TBC1D16: variants seen among roughly 807,000 people sequenced by gnomAD.
TBC1D16 encodes the protein TBC1 domain family member 16, also known as CTD-2529O21.1.
TBC1D16 carries 58 observed loss-of-function variants against 74.7 expected under a neutral mutation model. The observed-to-expected ratio is 0.78, with a 90% CI of 0.63 to 0.97. The LOEUF (loss-of-function observed/expected upper bound fraction) is 0.97. Among genes scored for constraint, TBC1D16 ranks in the 50% least tolerant of loss-of-function variants. TBC1D16 has a pLI of 0.00. For missense variants in TBC1D16, 1,014 were observed against 1,079.5 expected (o/e 0.94, Z 0.85); for synonymous variants, 493 against 474.7 (o/e 1.04, Z -0.50).
chr17:79,951,663 C>A, intron 4 of TBC1D16, 66 bp from the exon 5 acceptor site: 2 of 1,557,810 alleles, frequency 1.3e-6, no homozygotes, highest in Non-Finnish European at 1.7e-6. Context: ...GTTTTATTTC[C>A]AAGTATAATC....
At position 79,971,576 on chromosome 17, in the gene TBC1D16, T is replaced by C. The variant is rs1315736315; in HGVS notation, c.780-18758A>G. On this transcript the variant is annotated intron_variant, in intron 3 of 11. Coordinates refer to ENST00000310924, the MANE Select transcript of TBC1D16 (RefSeq NM_019020.4). This position sits in a 1 kb window ranked among gnomAD's most constrained non-coding sequence, Gnocchi z 4.6. ...CCCATGTTGCTGGTAGACACCATTT[T>C]GGAATAATGGCTCAGGGGCAATTAG... Among the ~76,000 whole-genome samples, 1 of 152,196 alleles carries C rather than the reference T, an allele frequency of 6.6e-6. No individual in the cohort carries two copies. The highest frequency in any genetic ancestry group is 1.5e-5 in the Non-Finnish European group (1 of 68,036).
At position 79,980,505 on chromosome 17, in the gene TBC1D16, C is replaced by G. The variant is rs541465774; in HGVS notation, c.780-27687G>C. Among the ~76,000 whole-genome samples the G allele has an allele frequency of 6.6e-6, 1 of 152,160 alleles. No homozygotes were observed. The highest frequency in any genetic ancestry group is 1.5e-5 in the Non-Finnish European group (1 of 68,038). ...TTTGTCCAGAAAAAGACACAGAACC[C>G]GCAGGCCCTGGAGGACCCTGAAGAT... On this transcript the variant is annotated intron_variant, in intron 3 of 11. Transcript: ENST00000310924. The surrounding 1 kb of genome is among the most constrained non-coding windows in gnomAD (Gnocchi z 7.0).
chr17:79,950,937 T>G lies in TBC1D16; in HGVS notation c.1090-359A>C. The G allele has an allele frequency of 7.9e-7, 1 of 1,266,920 alleles. No individual in the cohort carries two copies. 78.5% of individuals were successfully genotyped at this position (1,266,920 alleles called of 1,614,324 possible). On this transcript the variant is annotated intron_variant, in intron 5 of 11. Coordinates refer to ENST00000310924, the MANE Select transcript of TBC1D16 (RefSeq NM_019020.4). The surrounding 1 kb of genome is among the most constrained non-coding windows in gnomAD (Gnocchi z 4.6). ...GATTGGCCACATACAAAGGGATCGC[T>G]GTTCTGCGAGCAGGGAGCCAGCCTG...
intron 3 of TBC1D16, among the ~76,000 whole-genome samples, chr17:79,977,177 G>A (rs947938288): frequency 2.0e-5 from 3 of 152,132 alleles, no homozygotes; most frequent in Non-Finnish European, 2.9e-5. Flanking sequence ...CCAGCCCAAC[G>A]TCCAAAGCTT....
At chr17:80,021,062 G>C (rs185850333) in intron 1 of TBC1D16, among the ~76,000 whole-genome samples, 8 of 150,042 alleles carry the variant, frequency 5.3e-5, no homozygotes, top group Middle Eastern at 3.4e-3. Context: ...ACACCAGCCT[G>C]ACCAACATGG....
intron 3 of TBC1D16, among the ~76,000 whole-genome samples, chr17:79,974,922 T>C (rs1260293992): frequency 6.6e-6 from 1 of 152,214 alleles, no homozygotes; most frequent in Non-Finnish European, 1.5e-5. Flanking sequence ...AGTGACTTTG[T>C]GGCTACCTCC....
Position 79,932,767 on chromosome 17 carries a change from C to G in TBC1D16, c.*8092G>C, listed in dbSNP as rs1465967679. 6.6e-6 allele frequency: 1 copy of G among 152,234 alleles called. No individual in the cohort carries two copies. The highest frequency in any genetic ancestry group is 1.9e-4 in the East Asian group (1 of 5,206). The allele number at this position is 152,234 out of a possible 1,614,324, so 9.4% of individuals were successfully genotyped here. The stretch of plus-strand genomic sequence containing the variant: ...CTTTGTTGAGGGGGTTTTGAAGCAG[C>G]TTCTGCGTCATTGGGAGCTGGCTGC... On this transcript the variant is annotated 3_prime_UTR_variant, in exon 12 of 12. Coordinates refer to ENST00000310924, the MANE Select transcript of TBC1D16 (RefSeq NM_019020.4).
chr17:79,965,240 C>T (rs1421219210), intron 3 of TBC1D16, among the ~76,000 whole-genome samples: 10 of 151,878 alleles, frequency 6.6e-5, no homozygotes, highest in South Asian at 2.1e-4. Flanking sequence ...CCACCACGCC[C>T]GGCTAATTTT....
Position 79,949,769 on chromosome 17 carries a change from C to T in TBC1D16, c.1354G>A (p.Glu452Lys), listed in dbSNP as rs2143664118. The change falls in exon 7 of 12, where the codon GAG becomes AAG. Residue 452 changes from glutamate to lysine, a missense_variant. By Grantham distance (56) the Glu-to-Lys change is moderately conservative (BLOSUM62 1). Coordinates refer to ENST00000310924, the MANE Select transcript of TBC1D16 (RefSeq NM_019020.4). ...TTTCGCTTCTGCAGCCGCAGCGCCT[C>T]CCGCTCCTCCGACGTGGACTCGTGG... is the stretch of plus-strand genomic sequence containing the variant. ...YSHESTSEER[E>K]ALRLQKRKEY... 1 of 1,613,656 alleles carries T rather than the reference C, an allele frequency of 6.2e-7. No homozygotes were observed. The highest frequency in any genetic ancestry group is 8.5e-7 in the Non-Finnish European group (1 of 1,179,914).
chr17:80,016,820 C>T (rs546220533), intron 1 of TBC1D16, among the ~76,000 whole-genome samples: 2 of 152,356 alleles, frequency 1.3e-5, no homozygotes, highest in South Asian at 4.1e-4. Context: ...TCCATGGCTG[C>T]TGACTTCCCA....
At chr17:80,030,526 A>G (rs2036738975) in intron 1 of TBC1D16, among the ~76,000 whole-genome samples, 1 of 152,210 alleles carries the variant, frequency 6.6e-6, no homozygotes, top group African/African-American at 2.4e-5. Context: ...AAAAGAACAG[A>G]GGTGCAAAAG....
In TBC1D16 at chr17:79,950,867, G is replaced by C; in HGVS notation, c.1090-289C>G. 1.3e-6 allele frequency: 2 copies of C among 1,515,768 alleles called. No individual in the cohort carries two copies. Among genetic ancestry groups the C allele is most frequent in the Non-Finnish European group, 8.8e-7 (1 of 1,134,176 alleles). The allele number at this position is 1,515,768 out of a possible 1,614,324, so 93.9% of individuals were successfully genotyped here. A position where few individuals can be genotyped will look rare whatever the true frequency, so the allele number is the denominator to read the frequency against. On this transcript the variant is annotated intron_variant, in intron 5 of 11. Transcript: ENST00000310924. This position sits in a 1 kb window ranked among gnomAD's most constrained non-coding sequence, Gnocchi z 4.6. ...CAAAAACGGAATGAATGCCTCGTTC[G>C]GCCTAACTTCCCTCTGCCGGGAGGG...
chr17:79,952,606 G>A (rs1224809145), intron 4 of TBC1D16, 51 bp downstream of exon 4: 2 of 1,544,900 alleles, frequency 1.3e-6, no homozygotes, highest in Non-Finnish European at 1.8e-6. Context: ...AGGCTGCCAG[G>A]GAAAACACAC....
At chr17:79,962,649 C>T (rs1370587187) in intron 3 of TBC1D16, among the ~76,000 whole-genome samples, 2 of 152,062 alleles carry the variant, frequency 1.3e-5, no homozygotes, top group African/African-American at 4.8e-5. Flanking sequence ...ACAATAGCTT[C>T]CAGGCCAGGC....
At chr17:79,959,801 T>C (rs1272541325) in intron 3 of TBC1D16, among the ~76,000 whole-genome samples, 1 of 152,018 alleles carries the variant, frequency 6.6e-6, no homozygotes, top group Non-Finnish European at 1.5e-5. Context: ...AACCTTAGAA[T>C]AGGCCCAGGT....
At chr17:79,949,319 C>A (rs1467446160) in intron 7 of TBC1D16, among the ~76,000 whole-genome samples, 1 of 152,250 alleles carries the variant, frequency 6.6e-6, no homozygotes, top group Non-Finnish European at 1.5e-5. Context: ...CCAGGGGCTT[C>A]ACCCAGTCCC....
chr17:79,998,743 C>T (rs2035371338), intron 3 of TBC1D16, among the ~76,000 whole-genome samples: 1 of 152,104 alleles, frequency 6.6e-6, no homozygotes, highest in Non-Finnish European at 1.5e-5. Context: ...ACAATATTCC[C>T]TTGCAGGGAA....
chr17:79,951,691 A>G, intron 4 of TBC1D16, 94 bp from the exon 5 acceptor site: 1 of 1,442,952 alleles, frequency 6.9e-7, no homozygotes, highest in Non-Finnish European at 9.3e-7. Context: ...ACTGTCGCCA[A>G]CCTCAGAAGC....
intron 1 of TBC1D16, among the ~76,000 whole-genome samples, chr17:80,020,709 T>C (rs2036254857): frequency 6.7e-6 from 1 of 150,244 alleles, no homozygotes; most frequent in Non-Finnish European, 1.5e-5. Context: ...CTCCACATTT[T>C]AATACATAAA....
Sources: gnomAD v4.1 joint callset for allele counts (sites outside exome capture counted in the v4.1 genomes callset) on GRCh38, gnomAD v4.1.1 for gene constraint, Gnocchi (gnomAD v3.1) non-coding constraint, MANE v1.5 for transcripts, NCBI Gene and HGNC (gene_info 2026-07-23, HGNC 2026-07-21) for gene names.